Variants in PDHX observed in about 807,000 individuals in gnomAD.
PDHX encodes the protein pyruvate dehydrogenase protein X component, mitochondrial.
Under a neutral mutation model 55.3 loss-of-function variants are expected in PDHX, and 33 were observed. The observed-to-expected ratio is 0.60, with a 90% confidence interval of 0.45 to 0.80. The LOEUF (loss-of-function observed/expected upper bound fraction) is 0.80. Ranked by LOEUF, PDHX falls within the 30% of genes least tolerant of loss-of-function variation. The pLI is 0.00. For missense variants in PDHX, 622 were observed against 619.9 expected (o/e 1.00, Z -0.04); for synonymous variants, 226 against 219.4 (o/e 1.03, Z -0.27).
chr11:34,994,840 A>G (rs1483824540), intron 10 of PDHX, 74 bp from the exon 11 acceptor site: 2 of 1,555,782 alleles, frequency 1.3e-6, no homozygotes, highest in African/African-American at 2.7e-5. Context: ...TAAAATATAT[A>G]AAATATGTGC....
intron 6 of PDHX, among the ~76,000 whole-genome samples, chr11:34,969,107 A>T (rs1330283150): frequency 6.6e-6 from 1 of 152,178 alleles, no homozygotes; most frequent in Non-Finnish European, 1.5e-5. Context: ...CTGTGTAGCC[A>T]GGTGATTTTG....
chr11:34,933,072 T>C (rs1854216905), intron 2 of PDHX, among the ~76,000 whole-genome samples: 1 of 152,226 alleles, frequency 6.6e-6, no homozygotes, highest in Admixed American at 6.5e-5. Context: ...TAGTTGGTTA[T>C]CTACAGAGTA....
chr11:34,989,818 C>T (rs1340820557), intron 9 of PDHX, among the ~76,000 whole-genome samples: 2 of 152,050 alleles, frequency 1.3e-5, no homozygotes, highest in Non-Finnish European at 2.9e-5. Context: ...ATTTGTTCAC[C>T]CTTCTGTGTT....
chr11:34,916,137 C>G, upstream of PDHX: 2 of 1,510,272 alleles, frequency 1.3e-6, no homozygotes, highest in Non-Finnish European at 1.8e-6. Context: ...GCTAAACGCC[C>G]GGCCCGCTAC....
chr11:34,926,178 C>T (rs1410920833), intron 1 of PDHX, among the ~76,000 whole-genome samples: 2 of 152,178 alleles, frequency 1.3e-5, no homozygotes, highest in Admixed American at 6.5e-5. Flanking sequence ...ACAAAAAATA[C>T]TATAACTGCC....
intron 10 of PDHX, 69 bp downstream of exon 10, chr11:34,992,448 A>G: frequency 1.2e-6 from 1 of 806,074 alleles, no homozygotes; most frequent in Non-Finnish European, 2.2e-6. Flanking sequence ...AGTCCCTGTC[A>G]GCCTTTCATT....
At chr11:34,981,932 GT>G (rs1171935888) in intron 8 of PDHX, among the ~76,000 whole-genome samples, 1 of 151,988 alleles carries the variant, frequency 6.6e-6, no homozygotes, top group Non-Finnish European at 1.5e-5. Flanking sequence ...TTGCAAAAAT[GT>G]TTTCCCATTC....
At chr11:34,992,685 A>G (rs1045844245) in intron 10 of PDHX, among the ~76,000 whole-genome samples, 2 of 152,120 alleles carry the variant, frequency 1.3e-5, no homozygotes, top group African/African-American at 2.4e-5. Context: ...TTATATTGCT[A>G]TGTGAAACAA....
intron 1 of PDHX, among the ~76,000 whole-genome samples, chr11:34,922,754 TCTC>T (rs1175025591): frequency 6.6e-6 from 1 of 152,066 alleles, no homozygotes; most frequent in Non-Finnish European, 1.5e-5. Context: ...TATATTGACT[TCTC>T]CTATCTGTAA....
rs141485834 is a variant in PDHX at position 34,975,610 on chromosome 11, C to T, written c.965-2514C>T. Among the ~76,000 whole-genome samples the T allele has an allele frequency of 7.2e-5, 11 of 152,202 alleles. 1 individual carries two copies. The highest frequency in any genetic ancestry group is 3.3e-4 in the Admixed American group (5 of 15,268). On this transcript the variant is annotated intron_variant, in intron 7 of 10. Transcript: ENST00000227868. The stretch of plus-strand genomic sequence containing the variant: ...TAGTTTCCATTTCTCTGCTGCTAGT[C>T]GCCATCTGTTTATGCATGTTGTACC...
chr11:34,945,571 C>T (rs1325726372), intron 2 of PDHX, among the ~76,000 whole-genome samples: 1 of 152,152 alleles, frequency 6.6e-6, no homozygotes, highest in Non-Finnish European at 1.5e-5. Context: ...ACCTCTGTTG[C>T]AGCTGCTGAG....
intron 4 of PDHX, among the ~76,000 whole-genome samples, chr11:34,958,742 G>A (rs1854958230): frequency 6.6e-6 from 1 of 152,106 alleles, no homozygotes; most frequent in Admixed American, 6.5e-5. Flanking sequence ...ATGGTCTTCT[G>A]CCCTTGCAAA....
At chr11:34,953,073 A>G (rs1206185222) in intron 3 of PDHX, among the ~76,000 whole-genome samples, 5 of 152,140 alleles carry the variant, frequency 3.3e-5, no homozygotes, top group Non-Finnish European at 5.9e-5. Context: ...CCAAATCATG[A>G]GTGAACTCCC....
intron 3 of PDHX, among the ~76,000 whole-genome samples, chr11:34,954,683 T>A (rs1049473126): frequency 2.6e-5 from 4 of 152,120 alleles, no homozygotes; most frequent in Admixed American, 6.5e-5. Flanking sequence ...TTTTAAAAAA[T>A]CCATAATTTG....
chr11:34,936,357 T>C (rs1306023487), intron 2 of PDHX, among the ~76,000 whole-genome samples: 1 of 152,128 alleles, frequency 6.6e-6, no homozygotes, highest in Non-Finnish European at 1.5e-5. Context: ...GTGCTTCCCA[T>C]AATGACTAAC....
intron 10 of PDHX, 126 bp from the exon 11 acceptor site, chr11:34,994,788 C>T: frequency 4.2e-6 from 4 of 949,168 alleles, no homozygotes; most frequent in Admixed American, 4.0e-5. Flanking sequence ...TTCCTTTTTT[C>T]ATTACTCATA....
At chr11:34,918,452 A>G (rs1853796843) in intron 1 of PDHX, among the ~76,000 whole-genome samples, 1 of 152,004 alleles carries the variant, frequency 6.6e-6, no homozygotes, top group Non-Finnish European at 1.5e-5. Flanking sequence ...AAAAAAAAAA[A>G]AAAGTATACA....
At chr11:34,948,070 C>T (rs1022113901) in intron 3 of PDHX, among the ~76,000 whole-genome samples, 40 of 152,112 alleles carry the variant, frequency 2.6e-4, no homozygotes, top group East Asian at 7.7e-4. Context: ...TTATTAGTTA[C>T]GTAATGATAA....
Position 34,995,261 on chromosome 11 carries a change from T to A in PDHX, c.*89T>A. 7.2e-7 allele frequency: 1 copy of A among 1,395,672 alleles called. No homozygotes were observed. 86.5% of individuals were successfully genotyped at this position (1,395,672 alleles called of 1,614,324 possible). Reference sequence around the variant, plus strand: ...TGTTATAGGAAAACAACTTGGTATTTAAGTATGAAGTGGATGAAATGTTTA... The same window carrying A: ...TGTTATAGGAAAACAACTTGGTATTAAAGTATGAAGTGGATGAAATGTTTA... On this transcript the variant is annotated 3_prime_UTR_variant, in exon 11 of 11. Transcript: ENST00000227868.
Sources: gnomAD v4.1 joint callset for allele counts (sites outside exome capture counted in the v4.1 genomes callset) on GRCh38, gnomAD v4.1.1 for gene constraint, MANE v1.5 for transcripts, NCBI Gene and HGNC (gene_info 2026-07-23, HGNC 2026-07-21) for gene names.